MAST2: variants seen among roughly 807,000 people sequenced by gnomAD.
The protein encoded by MAST2 is microtubule associated serine/threonine kinase 2.
In MAST2, 70 loss-of-function variants were observed where a neutral mutation model predicts 147.4. The ratio of observed to expected loss-of-function variants is 0.47; its 90% CI spans 0.39 to 0.58. MAST2 has a LOEUF of 0.58. Among genes scored for constraint, MAST2 ranks in the 20% least tolerant of loss-of-function variants. The pLI is 0.00. For missense variants in MAST2, 2,080 were observed against 2,302.3 expected, an observed-to-expected ratio of 0.90 and a Z score of 1.98; for synonymous variants, 869 against 896.8, an observed-to-expected ratio of 0.97 and a Z score of 0.55.
At chr1:46,015,481 G>T (rs557511696) in intron 10 of MAST2, among the ~76,000 whole-genome samples, 1 of 152,316 alleles carries the variant, frequency 6.6e-6, no homozygotes, top group East Asian at 1.9e-4. Context: ...AATAAAAAGT[G>T]ATAAAGGGGA....
At chr1:45,821,826 G>C (rs753487790) in intron 1 of MAST2, among the ~76,000 whole-genome samples, 18 of 146,290 alleles carry the variant, frequency 1.2e-4, no homozygotes, top group Admixed American at 3.4e-4. Flanking sequence ...CTCTTCACAT[G>C]TTCTTACTGC....
At chr1:45,940,275 G>A (rs536797078) in intron 4 of MAST2, among the ~76,000 whole-genome samples, 1 of 152,220 alleles carries the variant, frequency 6.6e-6, no homozygotes, top group East Asian at 1.9e-4. Flanking sequence ...TTAAAGGCAT[G>A]AGTCACCATG....
chr1:45,984,484 TTTGTAGAGACAGAGTCCCAC>T (rs1405796275), intron 5 of MAST2, among the ~76,000 whole-genome samples: 2 of 151,800 alleles, frequency 1.3e-5, no homozygotes, highest in Non-Finnish European at 2.9e-5. Flanking sequence ...TTTTTAAATT[TTTGTAGAGACAGAGTCCCAC>T]TGTGTTGTTG....
intron 5 of MAST2, among the ~76,000 whole-genome samples, chr1:45,980,012 G>T (rs1644334882): frequency 6.6e-6 from 1 of 152,198 alleles, no homozygotes; most frequent in Non-Finnish European, 1.5e-5. Flanking sequence ...CAGGCCAGGT[G>T]CAATGGCTCA....
intron 3 of MAST2, among the ~76,000 whole-genome samples, chr1:45,854,428 A>G (rs1375087388): frequency 1.3e-5 from 2 of 151,900 alleles, no homozygotes; most frequent in Admixed American, 6.6e-5. Flanking sequence ...TCCTTCTGCC[A>G]TTACCACAAT....
intron 2 of MAST2, among the ~76,000 whole-genome samples, chr1:45,827,839 T>A (rs1030327215): frequency 2.6e-5 from 4 of 152,120 alleles, no homozygotes; most frequent in African/African-American, 9.7e-5. Context: ...TTTTTTAAAT[T>A]TTTTGAGACA....
In MAST2 at chr1:46,025,699, G is replaced by A; in HGVS notation, c.1803G>A (p.Leu601=). 1.2e-6 allele frequency: 2 copies of A among 1,614,184 alleles called. No homozygotes were observed. Among genetic ancestry groups the A allele is most frequent in the Non-Finnish European group, 1.7e-6 (2 of 1,180,026 alleles). ...YVEGGDCATL[L]KNIGALPVDM... ...CAGGGGGAGACTGTGCCACTCTGCT[G>A]AAGAATATTGGGGCCCTGCCTGTGG... The change falls in exon 16 of 29, where the codon CTG becomes CTA. Residue 601 remains leucine (L), a synonymous_variant. Coordinates refer to ENST00000361297, the MANE Select transcript of MAST2 (RefSeq NM_015112.3).
intron 5 of MAST2, among the ~76,000 whole-genome samples, chr1:45,987,252 T>C (rs991743524): frequency 2.0e-5 from 3 of 152,208 alleles, no homozygotes; most frequent in Non-Finnish European, 2.9e-5. Flanking sequence ...TTTTGTCTTT[T>C]TTTTTCCTGA....
chr1:45,925,192 G>A (rs570637041), intron 4 of MAST2, among the ~76,000 whole-genome samples: 34 of 152,106 alleles, frequency 2.2e-4, no homozygotes, highest in Non-Finnish European at 4.4e-4. Flanking sequence ...ATTGTTGCCC[G>A]TAATAATTTG....
At position 46,010,894 on chromosome 1, in the gene MAST2, A is replaced by G. The variant is rs527729571; in HGVS notation, c.1143A>G (p.Gln381=). 4.8e-5 allele frequency: 78 copies of G among 1,614,232 alleles called. No homozygotes were observed. Among genetic ancestry groups the G allele is most frequent in the East Asian group, 1.3e-4 (6 of 44,882 alleles). ...DKSRSGLITS[Q]YFYELQDNLE... is the part of the protein sequence containing the mutation. ...CTCGGAGTGGCCTCATTACATCACA[A>G]TACTTCTACGAACTTCAAGATAATT... The change falls in exon 10 of 29, where the codon CAA becomes CAG. Residue 381 remains glutamine, a synonymous_variant. Transcript: ENST00000361297.
intron 5 of MAST2, among the ~76,000 whole-genome samples, chr1:45,968,219 T>C (rs992005609): frequency 4.6e-5 from 7 of 152,232 alleles, no homozygotes; most frequent in Non-Finnish European, 1.0e-4. Context: ...GACTTATCTA[T>C]TAGACAAATT....
chr1:45,968,633 C>T (rs1211379976), intron 5 of MAST2, among the ~76,000 whole-genome samples: 1 of 151,638 alleles, frequency 6.6e-6, no homozygotes, highest in Admixed American at 6.6e-5. Context: ...TTTTGTGTAC[C>T]TTTGGTTTTC....
chr1:45,921,491 G>C (rs540196394), intron 4 of MAST2, among the ~76,000 whole-genome samples: 1 of 152,164 alleles, frequency 6.6e-6, no homozygotes, highest in African/African-American at 2.4e-5. Context: ...AGACTGGAGC[G>C]GAATAGTGAA....
intron 4 of MAST2, among the ~76,000 whole-genome samples, chr1:45,955,713 C>T (rs965405163): frequency 6.6e-6 from 1 of 152,120 alleles, no homozygotes; most frequent in African/African-American, 2.4e-5. Context: ...GCTCGCTTGG[C>T]ATTTTCTAAG....
intron 3 of MAST2, among the ~76,000 whole-genome samples, chr1:45,853,680 G>T (rs1645696088): frequency 6.6e-6 from 1 of 151,888 alleles, no homozygotes; most frequent in Non-Finnish European, 1.5e-5. Flanking sequence ...TTTCTTAAAA[G>T]AAAAATTTTT....
At chr1:45,891,807 T>C (rs1402164511) in intron 4 of MAST2, among the ~76,000 whole-genome samples, 2 of 152,208 alleles carry the variant, frequency 1.3e-5, no homozygotes, top group African/African-American at 4.8e-5. Context: ...TTAAATTTAC[T>C]TTGCTGTAAA....
At chr1:45,967,127 G>A (rs991720100) in intron 5 of MAST2, among the ~76,000 whole-genome samples, 2 of 151,868 alleles carry the variant, frequency 1.3e-5, no homozygotes, top group African/African-American at 4.8e-5. Context: ...AGGCTGGAGT[G>A]CAGTGATGCG....
intron 4 of MAST2, among the ~76,000 whole-genome samples, chr1:45,922,052 C>G (rs1216224356): frequency 6.6e-6 from 1 of 152,226 alleles, no homozygotes; most frequent in Non-Finnish European, 1.5e-5. Context: ...GTTCAGCTCT[C>G]AGCAGAGAGG....
At position 46,006,247 on chromosome 1, in the gene MAST2, T is replaced by A. The variant is rs1226659048; in HGVS notation, c.754T>A (p.Cys252Ser). 1 of 1,612,848 alleles carries A rather than the reference T, an allele frequency of 6.2e-7. No individual in the cohort carries two copies. Among genetic ancestry groups the A allele is most frequent in the African/African-American group, 1.3e-5 (1 of 74,914 alleles). ...NTPSSTVSSSCSSQEKLHQLP... is the reference protein window; with the variant it reads ...NTPSSTVSSSSSSQEKLHQLP... ...TTAATGTTTTCCCCTCTAGTCATCA[T>A]GCTCCTCACAGGAAAAGCTGCATCA... The change falls in exon 8 of 29, where the codon TGC (cysteine) becomes AGC (serine). Residue 252 changes from cysteine (C) to serine (S), a missense_variant. This residue lies in a region of MAST2 where 569 missense variants were observed against 642.5 expected (regional missense o/e 0.89). Coordinates refer to ENST00000361297, the MANE Select transcript of MAST2 (RefSeq NM_015112.3).
Sources: allele counts gnomAD v4.1 joint callset (sites outside exome capture counted in the v4.1 genomes callset), GRCh38; gene constraint gnomAD v4.1.1; regional missense constraint gnomAD v4.1.1; transcripts MANE v1.5; gene names NCBI Gene and HGNC (gene_info 2026-07-23, HGNC 2026-07-21).